Variants in CCDC148 observed in about 807,000 individuals in gnomAD.
The protein encoded by CCDC148 is coiled-coil domain-containing protein 148.
In CCDC148, 89 loss-of-function variants were observed where a neutral mutation model predicts 85.7. The observed-to-expected ratio is 1.04, with a 90% CI of 0.87 to 1.24. CCDC148 has a LOEUF of 1.24. Among genes scored for constraint, CCDC148 ranks in the 50% most tolerant of loss-of-function variants. The pLI, the probability that CCDC148 is intolerant of heterozygous loss-of-function variation, is 0.00. For synonymous variants in CCDC148, 230 were observed against 213.9 expected (o/e 1.08, Z -0.66); for missense variants, 692 against 671.7 (o/e 1.03, Z -0.33).
intron 10 of CCDC148, among the ~76,000 whole-genome samples, chr2:158,229,751 C>A (rs535148417): frequency 1.3e-5 from 2 of 152,218 alleles, no homozygotes; most frequent in East Asian, 3.9e-4. Context: ...TCATCTGTCC[C>A]CTCCTCTCCC....
In CCDC148 at chr2:158,296,204, G is replaced by A. The variant is rs79778764; in HGVS notation, c.1110+13229C>T. On this transcript the variant is annotated intron_variant, in intron 9 of 13. Coordinates refer to ENST00000283233, the MANE Select transcript of CCDC148 (RefSeq NM_138803.4). Reference sequence around the variant, plus strand: ...TCTTCCCCATGTTTTGTAGTTTTCAGTTTTACATGTGGGTTTATGATCCAT... The same window carrying A: ...TCTTCCCCATGTTTTGTAGTTTTCAATTTTACATGTGGGTTTATGATCCAT... Among the ~76,000 whole-genome samples, 14 of 152,226 alleles carry A rather than the reference G, an allele frequency of 9.2e-5. No individual in the cohort carries two copies. In the East Asian group the frequency reaches 1.9e-3, roughly 21 times the overall value.
chr2:158,302,657 G>A (rs1230994869), intron 9 of CCDC148, among the ~76,000 whole-genome samples: 2 of 151,948 alleles, frequency 1.3e-5, no homozygotes, highest in South Asian at 4.2e-4. Flanking sequence ...GGTGGCACAT[G>A]CCTGTAATCC....
intron 1 of CCDC148, among the ~76,000 whole-genome samples, chr2:158,410,987 ATT>A (rs148428028): frequency 9.9e-5 from 15 of 151,962 alleles, no homozygotes; most frequent in Non-Finnish European, 2.2e-4. Context: ...TTGGTTTGCA[ATT>A]TTTTTTCTTT....
chr2:158,407,924 T>A (rs1052277157), intron 1 of CCDC148, among the ~76,000 whole-genome samples: 8 of 152,324 alleles, frequency 5.3e-5, no homozygotes, highest in African/African-American at 1.9e-4. Flanking sequence ...AAGTAACTGA[T>A]AAAATTATCT....
chr2:158,254,630 G>A (rs756318975), intron 9 of CCDC148, among the ~76,000 whole-genome samples: 1 of 151,580 alleles, frequency 6.6e-6, no homozygotes, highest in Non-Finnish European at 1.5e-5. Context: ...TAGGAAGGAA[G>A]ATCTGTAATA....
chr2:158,182,660 T>G (rs1314191049), intron 11 of CCDC148, among the ~76,000 whole-genome samples: 4 of 152,144 alleles, frequency 2.6e-5, no homozygotes, highest in Non-Finnish European at 2.9e-5. Flanking sequence ...TCTGACTGCC[T>G]GAAGGATTGG....
At chr2:158,451,461 A>G (rs1369105381) in intron 1 of CCDC148, among the ~76,000 whole-genome samples, 2 of 152,164 alleles carry the variant, frequency 1.3e-5, no homozygotes, top group Non-Finnish European at 2.9e-5. Flanking sequence ...TTTCTCCTGC[A>G]TTGTATAACT....
chr2:158,346,454 T>A (rs73968925), intron 2 of CCDC148, among the ~76,000 whole-genome samples: 1 of 152,024 alleles, frequency 6.6e-6, no homozygotes, highest in East Asian at 1.9e-4. Context: ...TCTGACCTAC[T>A]GATGGCAGTG....
At chr2:158,316,680 A>G (rs1197234365) in intron 7 of CCDC148, among the ~76,000 whole-genome samples, 1 of 152,190 alleles carries the variant, frequency 6.6e-6, no homozygotes, top group Non-Finnish European at 1.5e-5. Context: ...TAAATATTGG[A>G]GCAAATATTC....
chr2:158,319,803 G>C (rs6737548), intron 7 of CCDC148, among the ~76,000 whole-genome samples: 2 of 152,036 alleles, frequency 1.3e-5, no homozygotes, highest in African/African-American at 4.8e-5. Context: ...CATGGGGAGA[G>C]ACCAGCATCT....
At position 158,286,682 on chromosome 2, in the gene CCDC148, T is replaced by C. The variant is rs1354667898; in HGVS notation, c.1110+22751A>G. On this transcript the variant is annotated intron_variant, in intron 9 of 13. Transcript: ENST00000283233. ...TAAAATGGAATGGAGGGTTCAGAAG[T>C]AGATTTAGAGACACTTGCCTATGGC... 6.6e-5 allele frequency among the ~76,000 whole-genome samples: 10 copies of C among 152,068 alleles called. 1 individual carries two copies. Among genetic ancestry groups the C allele is most frequent in the Admixed American group, 6.5e-4 (10 of 15,268 alleles).
intron 1 of CCDC148, among the ~76,000 whole-genome samples, chr2:158,450,604 T>C (rs920579187): frequency 1.3e-5 from 2 of 152,226 alleles, no homozygotes; most frequent in African/African-American, 4.8e-5. Context: ...GTTTTTTCTT[T>C]CAGCATTTTG....
chr2:158,320,974 C>T (rs1414508704), intron 7 of CCDC148, among the ~76,000 whole-genome samples: 1 of 152,108 alleles, frequency 6.6e-6, no homozygotes, highest in African/African-American at 2.4e-5. Context: ...ATACTTTTCA[C>T]AAATACATAA....
intron 10 of CCDC148, among the ~76,000 whole-genome samples, chr2:158,232,358 T>C (rs1005649226): frequency 3.9e-5 from 6 of 152,148 alleles, no homozygotes; most frequent in African/African-American, 1.4e-4. Context: ...CAGTCTAAGA[T>C]CATTTTTATA....
At chr2:158,247,264 G>A (rs1688605134) in intron 10 of CCDC148, among the ~76,000 whole-genome samples, 1 of 151,968 alleles carries the variant, frequency 6.6e-6, no homozygotes, top group Non-Finnish European at 1.5e-5. Context: ...AATGATCATG[G>A]AAATACAAAT....
At chr2:158,304,232 G>A (rs1438220275) in intron 9 of CCDC148, among the ~76,000 whole-genome samples, 1 of 152,048 alleles carries the variant, frequency 6.6e-6, no homozygotes, top group East Asian at 1.9e-4. Flanking sequence ...GGGCCCAGAG[G>A]TGGGAGAAAG....
intron 11 of CCDC148, among the ~76,000 whole-genome samples, chr2:158,201,586 A>AT (rs141874626): frequency 0.013 from 2,032 of 151,900 alleles, 29 homozygotes; most frequent in East Asian, 0.089. Flanking sequence ...ATGTTTTTCT[A>AT]TTTTTTGTAG....
chr2:158,357,030 A>G (rs1268549572), intron 2 of CCDC148, among the ~76,000 whole-genome samples: 2 of 148,468 alleles, frequency 1.3e-5, no homozygotes, highest in African/African-American at 5.0e-5. Context: ...GAACTGAACA[A>G]TGAGATCACA....
At position 158,286,193 on chromosome 2, in the gene CCDC148, C is replaced by A. The variant is rs953639366; in HGVS notation, c.1110+23240G>T. On this transcript the variant is annotated intron_variant, in intron 9 of 13. Transcript: ENST00000283233. ...ACAGTTTTTTTAAAGATTCTATTTT[C>A]AATAGCAAAGACACCAAATATGTAG... Among the ~76,000 whole-genome samples, 3 of 151,840 alleles carry A rather than the reference C, an allele frequency of 2.0e-5. No homozygotes were observed. In the East Asian group the frequency reaches 5.8e-4, roughly 29 times the overall value.
Sources: allele counts gnomAD v4.1 joint callset (sites outside exome capture counted in the v4.1 genomes callset), GRCh38; gene constraint gnomAD v4.1.1; transcripts MANE v1.5; gene names NCBI Gene and HGNC (gene_info 2026-07-23, HGNC 2026-07-21).